TNPO3: variants seen among roughly 807,000 people sequenced by gnomAD.
TNPO3 encodes the protein transportin 3, also known as transportin-3.
Under a neutral mutation model 122.8 loss-of-function variants are expected in TNPO3, and 65 were observed. That is an observed-to-expected ratio of 0.53 (90% CI 0.43 to 0.65). The LOEUF is 0.65. Among genes scored for constraint, TNPO3 ranks in the 30% least tolerant of loss-of-function variants. The pLI, the probability that TNPO3 is intolerant of heterozygous loss-of-function variation, is 0.00. For synonymous variants in TNPO3, 372 were observed against 411.2 expected (o/e 0.90, Z 1.15); for missense variants, 850 against 1,136.7 (o/e 0.75, Z 3.63).
At chr7:129,015,595 G>T (rs981101255) in intron 3 of TNPO3, among the ~76,000 whole-genome samples, 2 of 152,194 alleles carry the variant, frequency 1.3e-5, no homozygotes, top group East Asian at 3.8e-4. Context: ...AGCACTTTGG[G>T]AGGCCAAGGC....
chr7:129,003,318 T>C (rs909931991), intron 5 of TNPO3, among the ~76,000 whole-genome samples: 1 of 146,354 alleles, frequency 6.8e-6, no homozygotes, highest in South Asian at 2.2e-4. Flanking sequence ...TTTTTTTTTT[T>C]AAGAGCTGTT....
chr7:129,030,280 G>C (rs149520179), intron 1 of TNPO3: 47 of 252,900 alleles, frequency 1.9e-4, no homozygotes, highest in African/African-American at 1.0e-3. Context: ...CAAAATATAT[G>C]TAGGTAATTG....
In TNPO3 at chr7:128,990,343, T is replaced by C. The variant is rs1382438910; in HGVS notation, c.1359-243A>G. ...CTTAATCTTCTGAATGCCAGTAAAGTGCCTACAGACACATCAAGCTATCAA... is the reference window on the plus strand; with the variant it reads ...CTTAATCTTCTGAATGCCAGTAAAGCGCCTACAGACACATCAAGCTATCAA... On this transcript the variant is annotated intron_variant, in intron 10 of 22. Coordinates refer to ENST00000265388, the MANE Select transcript of TNPO3 (RefSeq NM_012470.4). The C allele has an allele frequency of 2.4e-5, 15 of 614,146 alleles. No individual in the cohort carries two copies. In the East Asian group the frequency reaches 3.3e-4, roughly 13 times the overall value. 38.0% of individuals were successfully genotyped at this position (614,146 alleles called of 1,614,324 possible). A position where few individuals can be genotyped will look rare whatever the true frequency, so the allele number is the denominator to read the frequency against.
In TNPO3 at chr7:128,979,072, T is replaced by C; in HGVS notation, c.1972A>G (p.Ile658Val). Residue 658 changes from isoleucine (I) to valine (V), a missense_variant, in exon 16 of 23, where the codon ATT (isoleucine) becomes GTT (valine). Coordinates refer to ENST00000265388, the MANE Select transcript of TNPO3 (RefSeq NM_012470.4). ...TLNKHRADNRIVERCCRCLRF... is the reference protein window; with the variant it reads ...TLNKHRADNRVVERCCRCLRF... The stretch of plus-strand genomic sequence containing the variant: ...AGGCACCTGCAACAACGCTCTACAA[T>C]CCGATTATCAGCTCGGTGCTTATTT... 1 of 1,614,208 alleles carries C rather than the reference T, an allele frequency of 6.2e-7. No individual in the cohort carries two copies. Among genetic ancestry groups the C allele is most frequent in the Non-Finnish European group, 8.5e-7 (1 of 1,180,024 alleles).
rs1801448015 is a variant in TNPO3 at position 128,997,406 on chromosome 7, G to T, written c.1141C>A (p.Gln381Lys). The T allele has an allele frequency of 6.2e-7, 1 of 1,614,066 alleles. No individual in the cohort carries two copies. The highest frequency in any genetic ancestry group is 1.3e-5 in the African/African-American group (1 of 74,942). ...GAACTTACATGGTCTGGTTCCAGCT[G>T]GCAGTGTCGAGCCAAGGCGTGAAGC... ...RLLHALARHC[Q>K]LEPDHEGVPE... The change falls in exon 8 of 23, where the codon CAG becomes AAG. Residue 381 changes from glutamine to lysine, a missense_variant. Physicochemically the swap from Gln to Lys is moderately conservative, Grantham distance 53. Transcript: ENST00000265388.
chr7:129,018,042 G>C lies in TNPO3; in HGVS notation c.236C>G (p.Pro79Arg). 5.6e-6 allele frequency: 9 copies of C among 1,614,094 alleles called. No homozygotes were observed. The highest frequency in any genetic ancestry group is 7.6e-6 in the Non-Finnish European group (9 of 1,180,018). ...CCGTAAAGAGGCATGAGAGTCTGTG[G>C]GGAGCTCATAAAATGAGGTCTGAAT... Reference protein sequence around the residue: ...MKIQTSFYELPTDSHASLRDS... With the variant: ...MKIQTSFYELRTDSHASLRDS... The change falls in exon 2 of 23, where the codon CCC becomes CGC. Residue 79 changes from proline to arginine, a missense_variant. Physicochemically the swap from Pro to Arg is moderately radical, Grantham distance 103. Transcript: ENST00000265388.
intron 21 of TNPO3, among the ~76,000 whole-genome samples, chr7:128,966,493 T>A (rs534565844): frequency 6.6e-6 from 1 of 152,348 alleles, no homozygotes; most frequent in South Asian, 2.1e-4. Context: ...ATTAAGACCA[T>A]AAGTCTCATA....
At chr7:128,980,094 C>T in intron 14 of TNPO3, 63 bp from the exon 15 acceptor site, 1 of 1,395,870 alleles carries the variant, frequency 7.2e-7, no homozygotes, top group Non-Finnish European at 1.0e-6. Context: ...ACCCAGAGCC[C>T]TGATCCCTGC....
chr7:129,051,410 C>T (rs1034804815), intron 1 of TNPO3, among the ~76,000 whole-genome samples: 8 of 150,016 alleles, frequency 5.3e-5, no homozygotes, highest in Non-Finnish European at 8.8e-5. Context: ...AGTGCAGTAG[C>T]GAAATCATAG....
intron 3 of TNPO3, among the ~76,000 whole-genome samples, chr7:129,015,430 G>A (rs1803728414): frequency 6.6e-6 from 1 of 152,120 alleles, no homozygotes; most frequent in Non-Finnish European, 1.5e-5. Flanking sequence ...TTGAATATGG[G>A]TGAACAAATA....
chr7:129,001,204 C>T lies in TNPO3; in HGVS notation c.727G>A (p.Glu243Lys). ...GAGCATACACAGTCCGAAGCAGCTT[C>T]ATGTAGGTTAGACGAGGTCTTATCC... ...QQDKTSSNLH[E>K]AASDCVCSAL... Residue 243 changes from glutamate to lysine, a missense_variant, in exon 6 of 23, where the codon GAA becomes AAA. Coordinates refer to ENST00000265388, the MANE Select transcript of TNPO3 (RefSeq NM_012470.4). 1.2e-6 allele frequency: 2 copies of T among 1,613,296 alleles called. No homozygotes were observed. Among genetic ancestry groups the T allele is most frequent in the Non-Finnish European group, 1.7e-6 (2 of 1,179,366 alleles).
intron 21 of TNPO3, among the ~76,000 whole-genome samples, chr7:128,966,708 T>C (rs772730965): frequency 7.2e-5 from 11 of 152,210 alleles, no homozygotes; most frequent in Non-Finnish European, 1.3e-4. Context: ...AATATTTATA[T>C]GTTCACAGTA....
At chr7:129,003,656 G>A (rs1020291589) in intron 5 of TNPO3, among the ~76,000 whole-genome samples, 6 of 152,158 alleles carry the variant, frequency 3.9e-5, no homozygotes, top group Middle Eastern at 3.4e-3. Context: ...ACGACAGGGA[G>A]ACACCCTGAC....
intron 3 of TNPO3, 133 bp downstream of exon 3, chr7:129,016,850 C>A: frequency 1.4e-6 from 1 of 706,910 alleles, no homozygotes; most frequent in Non-Finnish European, 2.3e-6. Context: ...TTTAATCTAA[C>A]AAAGGTTAAT....
chr7:129,013,286 G>A (rs939638289), intron 4 of TNPO3, among the ~76,000 whole-genome samples: 1 of 151,940 alleles, frequency 6.6e-6, no homozygotes, highest in African/African-American at 2.4e-5. Flanking sequence ...AAAAAAAGTC[G>A]ACAAAGGTCA....
intron 1 of TNPO3, among the ~76,000 whole-genome samples, chr7:129,044,891 C>T (rs768312833): frequency 7.2e-5 from 11 of 152,158 alleles, no homozygotes; most frequent in Non-Finnish European, 1.2e-4. Context: ...AGCAGGTACT[C>T]CCACAAGTAT....
At chr7:129,053,959 TAATC>T (rs1385984283) in intron 1 of TNPO3, among the ~76,000 whole-genome samples, 1 of 152,200 alleles carries the variant, frequency 6.6e-6, no homozygotes, top group Non-Finnish European at 1.5e-5. Context: ...TTATATGGAA[TAATC>T]AAAGCAGCAG....
chr7:129,051,198 ATT>A (rs1449056639), intron 1 of TNPO3, among the ~76,000 whole-genome samples: 3 of 152,206 alleles, frequency 2.0e-5, no homozygotes, highest in East Asian at 1.9e-4. Flanking sequence ...GTTCCACAAA[ATT>A]TTGTTTTAAA....
At chr7:129,050,405 T>TG (rs371726083) in intron 1 of TNPO3, among the ~76,000 whole-genome samples, 27,564 of 95,466 alleles carry the variant, frequency 0.29, 3,263 homozygotes, top group African/African-American at 0.45. Context: ...AAAAAAAGGG[T>TG]GGGGGGGGAA....
Sources: allele counts gnomAD v4.1 joint callset (sites outside exome capture counted in the v4.1 genomes callset), GRCh38; gene constraint gnomAD v4.1.1; transcripts MANE v1.5; gene names NCBI Gene and HGNC (gene_info 2026-07-23, HGNC 2026-07-21).